Variants in GGT1 observed in about 807,000 individuals in gnomAD.
The protein encoded by GGT1 is gamma-glutamyltransferase 1, also known as glutathione hydrolase 1 proenzyme.
Under a neutral mutation model 56.0 loss-of-function variants are expected in GGT1, and 21 were observed. The ratio of observed to expected loss-of-function variants is 0.38; its 90% CI spans 0.27 to 0.54. The LOEUF (loss-of-function observed/expected upper bound fraction) is 0.54, where lower values mean the gene tolerates loss of function less well. GGT1 is among the 20% of genes least tolerant of loss of function. The pLI, the probability that GGT1 is intolerant of heterozygous loss-of-function variation, is 0.82. For synonymous variants in GGT1, 238 were observed against 342.6 expected, an observed-to-expected ratio of 0.69 and a Z score of 3.37; for missense variants, 466 against 787.0, an observed-to-expected ratio of 0.59 and a Z score of 4.88.
intron 1 of GGT1, among the ~76,000 whole-genome samples, chr22:24,606,559 A>G (rs1432617303): frequency 1.4e-4 from 21 of 152,294 alleles, no homozygotes; most frequent in Non-Finnish European, 2.5e-4. Flanking sequence ...GGGACAGGTC[A>G]TGGGACCTTG....
intron 1 of GGT1, among the ~76,000 whole-genome samples, chr22:24,607,347 T>TC (rs2046383461): frequency 6.6e-6 from 1 of 152,154 alleles, no homozygotes; most frequent in Non-Finnish European, 1.5e-5. Flanking sequence ...CAGAGCCATC[T>TC]CTGGGACACT....
the GGT1 span, chr22:24,588,223 G>T: frequency 1.2e-6 from 2 of 1,612,496 alleles, no homozygotes; most frequent in Non-Finnish European, 1.7e-6. Flanking sequence ...CCAGCTCTGG[G>T]TCTTCCTCTG....
the GGT1 span, among the ~76,000 whole-genome samples, chr22:24,584,183 G>A: frequency 6.6e-6 from 1 of 152,150 alleles, no homozygotes; most frequent in Admixed American, 6.5e-5. Flanking sequence ...GAGCTGCTGG[G>A]CAGGGCCAGT....
the GGT1 span, chr22:24,583,767 G>A: frequency 2.1e-6 from 1 of 471,194 alleles, no homozygotes; most frequent in Non-Finnish European, 4.4e-6. Context: ...TTCTCCCAGA[G>A]ATTGCCTGGA....
At chr22:24,598,776 C>G (rs1478400230), upstream of GGT1, among the ~76,000 whole-genome samples, 7 of 152,184 alleles carry the variant, frequency 4.6e-5, no homozygotes, top group African/African-American at 1.4e-4. Context: ...TGGTCGTGAA[C>G]TCCTGGGCTC....
the GGT1 span, chr22:24,586,026 G>A: frequency 1.1e-5 from 18 of 1,610,834 alleles, no homozygotes; most frequent in Admixed American, 2.2e-4. Flanking sequence ...AGTGAGGTGC[G>A]CTGGCTCAGC....
chr22:24,588,246 C>T, the GGT1 span: 5 of 1,613,364 alleles, frequency 3.1e-6, no homozygotes, highest in Admixed American at 8.3e-5. Flanking sequence ...GCAGGCTGGA[C>T]CCTTGCTGCT....
Position 24,628,654 on chromosome 22 carries a change from G to A in GGT1, c.1564-39G>A, listed in dbSNP as rs759484179. 6 of 1,610,972 alleles carry A rather than the reference G, an allele frequency of 3.7e-6. No individual in the cohort carries two copies. In the South Asian group the frequency reaches 6.6e-5, roughly 18 times the overall value. On this transcript the variant is annotated intron_variant, in intron 15 of 15. Coordinates refer to ENST00000400382, the MANE Select transcript of GGT1 (RefSeq NM_001288833.2). The surrounding 1 kb of genome is among the most constrained non-coding windows in gnomAD (Gnocchi z 5.7). The stretch of plus-strand genomic sequence containing the variant: ...CACAGATGTGGTTCAGGTGGCATCT[G>A]GAGCCCTGCTCAGGCTTCCCCTCTC...
At chr22:24,599,932 G>T (rs556105643), upstream of GGT1, among the ~76,000 whole-genome samples, 5 of 152,348 alleles carry the variant, frequency 3.3e-5, no homozygotes, top group African/African-American at 1.2e-4. Context: ...CATGTCACCA[G>T]GGAGGCCTTG....
chr22:24,610,613 G>C, intron 4 of GGT1, 82 bp downstream of exon 4: 1 of 161,362 alleles, frequency 6.2e-6, no homozygotes, highest in East Asian at 1.6e-4. Flanking sequence ...TGCTCCAGGT[G>C]GGGTGGAGGG....
At chr22:24,602,215 G>A (rs7292010), upstream of GGT1, among the ~76,000 whole-genome samples, 10,627 of 152,136 alleles carry the variant, frequency 0.07, 1,210 homozygotes, top group African/African-American at 0.24. Context: ...GGTTCCTTCC[G>A]CCTGGCAGGT....
chr22:24,603,616 G>C (rs1433511200), intron 1 of GGT1, 89 bp downstream of exon 1: 1 of 152,342 alleles, frequency 6.6e-6, no homozygotes, highest in Non-Finnish European at 1.5e-5. Flanking sequence ...GTTTGAGTGA[G>C]GTATGCGAGT....
At chr22:24,619,236 A>G (rs1315680010) in intron 7 of GGT1, among the ~76,000 whole-genome samples, 3 of 152,156 alleles carry the variant, frequency 2.0e-5, no homozygotes, top group Non-Finnish European at 4.4e-5. Context: ...CGTCTCTACT[A>G]AAAATACAAA....
intron 2 of GGT1, chr22:24,609,533 C>T (rs1332582351): frequency 3.7e-5 from 6 of 163,100 alleles, no homozygotes; most frequent in Non-Finnish European, 6.7e-5. Context: ...GTGGGGAGGG[C>T]ACAGGGACTC....
intron 7 of GGT1, among the ~76,000 whole-genome samples, chr22:24,615,442 C>T (rs192943783): frequency 6.6e-4 from 100 of 152,334 alleles, no homozygotes; most frequent in African/African-American, 2.3e-3. Flanking sequence ...CTGTGCTTTT[C>T]ACCCATGAGC....
chr22:24,599,911 G>A (rs2045756673), upstream of GGT1, among the ~76,000 whole-genome samples: 1 of 152,212 alleles, frequency 6.6e-6, no homozygotes, highest in Non-Finnish European at 1.5e-5. Context: ...GGGTGAACAG[G>A]TGTGCTTGGG....
upstream of GGT1, among the ~76,000 whole-genome samples, chr22:24,593,715 A>C (rs534663271): frequency 6.6e-5 from 10 of 151,692 alleles, no homozygotes; most frequent in South Asian, 2.1e-4. Flanking sequence ...TGAACCTGGG[A>C]GGCGGAGGTT....
chr22:24,626,983 A>G (rs986454578), intron 11 of GGT1, among the ~76,000 whole-genome samples: 8 of 151,078 alleles, frequency 5.3e-5, no homozygotes, highest in Non-Finnish European at 1.2e-4. Flanking sequence ...TCCTCTGAGA[A>G]GCCCTCCCTG....
upstream of GGT1, chr22:24,592,337 C>T (rs1481677611): frequency 2.1e-6 from 1 of 470,630 alleles, no homozygotes; most frequent in Non-Finnish European, 4.4e-6. Flanking sequence ...GGATGGCTCT[C>T]TGTGGGCTGC....
Sources: allele counts gnomAD v4.1 joint callset (sites outside exome capture counted in the v4.1 genomes callset), GRCh38; gene constraint gnomAD v4.1.1; non-coding constraint Gnocchi (gnomAD v3.1); transcripts MANE v1.5; gene names NCBI Gene and HGNC (gene_info 2026-07-23, HGNC 2026-07-21).